TCFL5: variants seen among roughly 807,000 people sequenced by gnomAD.
TCFL5 encodes the protein transcription factor like 5.
A neutral mutation model predicts 44.3 loss-of-function variants in TCFL5; 9 were observed. That is an observed-to-expected ratio of 0.20 (90% confidence interval 0.12 to 0.35). The LOEUF (loss-of-function observed/expected upper bound fraction) is 0.35, where lower values mean the gene tolerates loss of function less well. Ranked by LOEUF, TCFL5 falls within the 10% of genes least tolerant of loss-of-function variation. The pLI is 1.00. For missense variants in TCFL5, 603 were observed against 613.4 expected (o/e 0.98, Z 0.18); for synonymous variants, 319 against 271.6 (o/e 1.17, Z -1.72).
intron 5 of TCFL5, chr20:62,852,946 T>C (rs369984468): frequency 9.3e-5 from 120 of 1,289,074 alleles, no homozygotes; most frequent in Non-Finnish European, 1.2e-4. Context: ...CGCAGAAGTA[T>C]AGTCACCTAG....
chr20:62,851,027 C>G (rs1278102220), intron 5 of TCFL5, among the ~76,000 whole-genome samples: 2 of 152,222 alleles, frequency 1.3e-5, no homozygotes, highest in African/African-American at 4.8e-5. Flanking sequence ...GCACCTTCAG[C>G]AGTGCCTGGT....
At chr20:62,858,243 C>T (rs975675316) in intron 3 of TCFL5, among the ~76,000 whole-genome samples, 1 of 152,250 alleles carries the variant, frequency 6.6e-6, no homozygotes, top group African/African-American at 2.4e-5. Flanking sequence ...GCCACGTGTG[C>T]GTCAGTGGAA....
intron 5 of TCFL5, chr20:62,845,541 T>G: frequency 6.9e-7 from 1 of 1,456,830 alleles, no homozygotes; most frequent in Non-Finnish European, 9.1e-7. Context: ...TTTGGCAAGA[T>G]AGAATTCACC....
rs890112520 is a variant in TCFL5 at position 62,845,952 on chromosome 20, G to A, written c.1381-3855C>T. 1.1e-5 allele frequency: 16 copies of A among 1,464,242 alleles called. No homozygotes were observed. In the Admixed American group the frequency reaches 2.5e-4, roughly 23 times the overall value. 90.7% of individuals were successfully genotyped at this position (1,464,242 alleles called of 1,614,324 possible). A position where few individuals can be genotyped will look rare whatever the true frequency, so the allele number is the denominator to read the frequency against. On this transcript the variant is annotated intron_variant, in intron 5 of 5. Coordinates refer to ENST00000335351, the MANE Select transcript of TCFL5 (RefSeq NM_006602.4). ...ATCCGAACCCTGAACAGCTGGAAAT[G>A]AGCCCAGATAGAAACTTCAAATGCA...
intron 4 of TCFL5, among the ~76,000 whole-genome samples, chr20:62,854,700 G>C (rs1315646921): frequency 6.6e-6 from 1 of 152,218 alleles, no homozygotes; most frequent in Non-Finnish European, 1.5e-5. Context: ...TCTTTGTAGA[G>C]ATAAACAATT....
At chr20:62,854,568 C>A (rs1162084077) in intron 4 of TCFL5, among the ~76,000 whole-genome samples, 2 of 152,192 alleles carry the variant, frequency 1.3e-5, no homozygotes, top group African/African-American at 4.8e-5. Context: ...TCATTCAAGA[C>A]TGATATTACT....
chr20:62,859,992 G>A (rs954876158), intron 2 of TCFL5, 133 bp downstream of exon 2: 5 of 882,778 alleles, frequency 5.7e-6, no homozygotes, highest in Admixed American at 4.8e-5. Flanking sequence ...TACAGGTGTC[G>A]GCCTTGGCGC....
Position 62,853,889 on chromosome 20 carries a change from C to T in TCFL5, c.1380+127G>A, listed in dbSNP as rs543089084. ...ATTAAAGAGCAGAGCTTTGCTCATA[C>T]TGGACTTAGTATTTGATGTTAGATT... On this transcript the variant is annotated intron_variant, in intron 5 of 5. Transcript: ENST00000335351. 932 of 1,002,266 alleles carry T rather than the reference C, an allele frequency of 9.3e-4. 5 individuals carry two copies. The highest frequency in any genetic ancestry group is 2.2e-4 in the Non-Finnish European group (147 of 673,086). 62.1% of individuals were successfully genotyped at this position (1,002,266 alleles called of 1,614,324 possible).
chr20:62,851,752 C>A, intron 5 of TCFL5: 1 of 985,392 alleles, frequency 1.0e-6, no homozygotes, highest in Non-Finnish European at 1.2e-6. Context: ...AAGAGACGAG[C>A]CCTCACTCAA....
chr20:62,856,954 T>C (rs1254234112), intron 4 of TCFL5, among the ~76,000 whole-genome samples: 5 of 152,138 alleles, frequency 3.3e-5, no homozygotes, highest in African/African-American at 1.2e-4. Flanking sequence ...GTTGCATGCA[T>C]GGGGGCAGTG....
chr20:62,842,977 CTT>C lies in TCFL5; in HGVS notation c.1381-882_1381-881del, dbSNP rs1367076151. On this transcript the variant is annotated intron_variant, in intron 5 of 5. Transcript: ENST00000335351. This position sits in a 1 kb window ranked among gnomAD's most constrained non-coding sequence, Gnocchi z 4.3. Reference sequence around the variant, plus strand: ...AGCTTGCTCCTGTCACACCACCTGTCTTTTACAAAAGGCCTCAATTATAATGG... The same window carrying C: ...AGCTTGCTCCTGTCACACCACCTGTCTTACAAAAGGCCTCAATTATAATGG... Among the ~76,000 whole-genome samples the C allele has an allele frequency of 6.6e-6, 1 of 152,020 alleles. No homozygotes were observed. The highest frequency in any genetic ancestry group is 1.5e-5 in the Non-Finnish European group (1 of 68,002).
Position 62,861,075 on chromosome 20 carries a change from G to C in TCFL5, c.596C>G (p.Pro199Arg). 1 of 996,228 alleles carries C rather than the reference G, an allele frequency of 1.0e-6. No individual in the cohort carries two copies. Among genetic ancestry groups the C allele is most frequent in the Non-Finnish European group, 1.2e-6 (1 of 838,850 alleles). The allele number at this position is 996,228 out of a possible 1,614,324, so 61.7% of individuals were successfully genotyped here. A position where few individuals can be genotyped will look rare whatever the true frequency, so the allele number is the denominator to read the frequency against. Residue 199 changes from proline (P) to arginine (R), a missense_variant, in exon 1 of 6, where the codon CCG becomes CGG. Around this residue, in one of 4 missense-constraint regions of TCFL5, gnomAD observed 540 missense variants for 478.7 expected, o/e 1.13. Coordinates refer to ENST00000335351, the MANE Select transcript of TCFL5 (RefSeq NM_006602.4). The surrounding 1 kb of genome is among the most constrained non-coding windows in gnomAD (Gnocchi z 4.0). Reference sequence around the variant, plus strand: ...GGGCTCGGGGCCGCGCGGCGCGGGCGGCGGCTCGGCGGGGATGCTGTTGAA... The same window carrying C: ...GGGCTCGGGGCCGCGCGGCGCGGGCCGCGGCTCGGCGGGGATGCTGTTGAA... The part of the protein sequence containing the change: ...DRFNSIPAEP[P>R]PAPRGPEPPE...
Position 62,841,931 on chromosome 20 carries a change from G to C in TCFL5, c.*44C>G, listed in dbSNP as rs748213832. The stretch of plus-strand genomic sequence containing the variant: ...GTTGCAGAAGGCGTGCACAGGTCAC[G>C]AAGGAATGGCTGTTCACCCCCCGAG... On this transcript the variant is annotated 3_prime_UTR_variant, in exon 6 of 6. Transcript: ENST00000335351. 1 of 1,611,296 alleles carries C rather than the reference G, an allele frequency of 6.2e-7. No individual in the cohort carries two copies. Among genetic ancestry groups the C allele is most frequent in the Non-Finnish European group, 8.5e-7 (1 of 1,179,242 alleles).
intron 5 of TCFL5, among the ~76,000 whole-genome samples, chr20:62,850,139 G>A (rs1402311178): frequency 6.6e-6 from 1 of 152,126 alleles, no homozygotes; most frequent in East Asian, 1.9e-4. Context: ...GGAGATTTAT[G>A]TAGAAATATT....
chr20:62,847,980 G>A (rs1457076943), intron 5 of TCFL5, among the ~76,000 whole-genome samples: 1 of 152,250 alleles, frequency 6.6e-6, no homozygotes, highest in African/African-American at 2.4e-5. Flanking sequence ...GGGCAGCCGG[G>A]CAGCCAAGGA....
chr20:62,861,303 TG>T lies in TCFL5; in HGVS notation c.367del (p.His123ThrfsTer9). 8.5e-7 allele frequency: 1 copy of T among 1,180,670 alleles called. No individual in the cohort carries two copies. Among genetic ancestry groups the T allele is most frequent in the South Asian group, 2.0e-5 (1 of 50,788 alleles). 73.1% of individuals were successfully genotyped at this position (1,180,670 alleles called of 1,614,324 possible). A position where few individuals can be genotyped will look rare whatever the true frequency, so the allele number is the denominator to read the frequency against. Reference sequence around the variant, plus strand: ...CATGCGCAGCTCCTGGAAGTCGATGTGGCCCAGGCAGGGCGCGTCGGCCGCC... The same window carrying T: ...CATGCGCAGCTCCTGGAAGTCGATGTGCCCAGGCAGGGCGCGTCGGCCGCC... ...ALAADAPCLG[H>X]IDFQELRMML... On this transcript the variant is annotated frameshift_variant, in exon 1 of 6. Coordinates refer to ENST00000335351, the MANE Select transcript of TCFL5 (RefSeq NM_006602.4). LOFTEE classifies it high-confidence loss of function. The surrounding 1 kb of genome is among the most constrained non-coding windows in gnomAD (Gnocchi z 4.0).
At chr20:62,854,696 T>C (rs73918842) in intron 4 of TCFL5, among the ~76,000 whole-genome samples, 208 of 152,354 alleles carry the variant, frequency 1.4e-3, no homozygotes, top group African/African-American at 4.8e-3. Context: ...TTGGTCTTTG[T>C]AGAGATAAAC....
chr20:62,857,430 A>G lies in TCFL5; in HGVS notation c.1203T>C (p.Arg401=), dbSNP rs1384672087. The G allele has an allele frequency of 1.9e-6, 3 of 1,614,196 alleles. No individual in the cohort carries two copies. Among genetic ancestry groups the G allele is most frequent in the African/African-American group, 1.3e-5 (1 of 75,056 alleles). Reference sequence around the variant, plus strand: ...TTTCCATTCGGTTATGCCTCTCCCTACGTTGAGACCTTCCTCCCTGGGGCC... The same window carrying G: ...TTTCCATTCGGTTATGCCTCTCCCTGCGTTGAGACCTTCCTCCCTGGGGCC... ...QSGPQGGRSQ[R]RERHNRMERD... The change falls in exon 4 of 6, where the codon CGT becomes CGC. Residue 401 remains arginine (R), a synonymous_variant. Coordinates refer to ENST00000335351, the MANE Select transcript of TCFL5 (RefSeq NM_006602.4).
Position 62,841,856 on chromosome 20 carries a change from A to C in TCFL5, c.*119T>G. ...TCAAAGTCCCTACTGGAGTCCCGTC[A>C]GCTTGAGTCACGCCCTTTTCGAGTC... On this transcript the variant is annotated 3_prime_UTR_variant, in exon 6 of 6. Transcript: ENST00000335351. 2.9e-6 allele frequency: 4 copies of C among 1,392,306 alleles called. No individual in the cohort carries two copies. In the South Asian group the frequency reaches 6.0e-5, roughly 21 times the overall value. The allele number at this position is 1,392,306 out of a possible 1,614,324, so 86.2% of individuals were successfully genotyped here.
Sources: gnomAD v4.1 joint callset for allele counts (sites outside exome capture counted in the v4.1 genomes callset) on GRCh38, gnomAD v4.1.1 for gene constraint, gnomAD v4.1.1 regional missense constraint, Gnocchi (gnomAD v3.1) non-coding constraint, MANE v1.5 for transcripts, NCBI Gene and HGNC (gene_info 2026-07-23, HGNC 2026-07-21) for gene names.